Variants in DNAI2 observed in about 807,000 individuals in gnomAD.
DNAI2 encodes dynein axonemal intermediate chain 2, also known as dynein, axonemal, intermediate polypeptide 2.
A neutral mutation model predicts 74.7 loss-of-function variants in DNAI2; 63 were observed. The observed-to-expected ratio is 0.84, with a 90% CI of 0.69 to 1.04. DNAI2 has a LOEUF of 1.04. DNAI2 is among the 50% of genes least tolerant of loss of function. The probability of loss-of-function intolerance (pLI) is 0.00; values close to 1 mark genes in which losing one functional copy is unlikely to be tolerated. For missense variants in DNAI2, 688 were observed against 803.2 expected (o/e 0.86, Z 1.73); for synonymous variants, 289 against 314.9 (o/e 0.92, Z 0.87).
rs776613484 is a variant in DNAI2 at position 74,312,152 on chromosome 17, CGAG to C, written c.1651_1653del (p.Glu551del). 6 of 1,612,462 alleles carry C rather than the reference CGAG, an allele frequency of 3.7e-6. No homozygotes were observed. The African/African-American group carries it at 4.0e-5, about 11-fold the overall frequency. ...ACCTGGAGGCGCTGGTCAGCAAGGC[CGAG>C]GAGGAGTTCTTCGACATCATCTTCG... On this transcript the variant is annotated inframe_deletion, in exon 12 of 14. Coordinates refer to ENST00000311014, the MANE Select transcript of DNAI2 (RefSeq NM_023036.6).
intron 8 of DNAI2, among the ~76,000 whole-genome samples, chr17:74,301,862 AGAAGGAAGGAAGGAAGGAAGGAAGGAAG>A (rs761320355): frequency 1.3e-4 from 9 of 67,372 alleles, no homozygotes; most frequent in African/African-American, 4.8e-4. Context: ...AAGGAAGGAA[AGAAGGAAGGAAGGAAGGAAGGAAGGAAG>A]GAAGGAAGGA....
chr17:74,283,974 C>T (rs1467998162), intron 2 of DNAI2, among the ~76,000 whole-genome samples: 1 of 152,010 alleles, frequency 6.6e-6, no homozygotes, highest in Non-Finnish European at 1.5e-5. Context: ...CCCGTCTCTA[C>T]TAAAAATACA....
rs572720210 is a variant in DNAI2, at chr17:74,305,515, G to A, written c.1211+73G>A. On this transcript the variant is annotated intron_variant, in intron 9 of 13. Coordinates refer to ENST00000311014, the MANE Select transcript of DNAI2 (RefSeq NM_023036.6). ...GATGGAGGGAGCCCAGCTGGGCCCC[G>A]GAGAGTCCCGAGCCTCCATATGTAA... 702 of 1,404,666 alleles carry A rather than the reference G, an allele frequency of 5.0e-4. 2 individuals carry two copies. Among genetic ancestry groups the A allele is most frequent in the Admixed American group, 2.7e-3 (136 of 51,262 alleles). 87.0% of individuals were successfully genotyped at this position (1,404,666 alleles called of 1,614,324 possible). A position where few individuals can be genotyped will look rare whatever the true frequency, so the allele number is the denominator to read the frequency against.
chr17:74,312,749 G>A (rs7217436), intron 12 of DNAI2, among the ~76,000 whole-genome samples: 135,202 of 152,268 alleles, frequency 0.89, 60,593 homozygotes, highest in East Asian at 0.99. Flanking sequence ...TGAGCTGGTC[G>A]CTTCACTTCT....
intron 1 of DNAI2, among the ~76,000 whole-genome samples, chr17:74,279,121 C>G (rs979850342): frequency 6.6e-6 from 1 of 151,916 alleles, no homozygotes; most frequent in African/African-American, 2.4e-5. Context: ...GAGCTGAGAT[C>G]GTGCCACTGC....
chr17:74,309,555 T>C, intron 10 of DNAI2, 167 bp downstream of exon 10: 1 of 923,330 alleles, frequency 1.1e-6, no homozygotes, highest in South Asian at 1.4e-5. Flanking sequence ...CTTTTGAGCG[T>C]GTGCTCCTAC....
intron 6 of DNAI2, among the ~76,000 whole-genome samples, chr17:74,294,778 TA>T (rs1363432131): frequency 6.6e-6 from 1 of 151,720 alleles, no homozygotes; most frequent in Non-Finnish European, 1.5e-5. Context: ...ATGTGTAGAT[TA>T]TTTTTTTAAA....
In DNAI2 at chr17:74,301,429, C is replaced by T. The variant is rs571749627; in HGVS notation, c.987+261C>T. Among the ~76,000 whole-genome samples the T allele has an allele frequency of 2.0e-5, 3 of 152,312 alleles. 1 individual carries two copies. The South Asian group carries it at 6.2e-4, about 32-fold the overall frequency. On this transcript the variant is annotated intron_variant, in intron 8 of 13. Transcript: ENST00000311014. Reference sequence around the variant, plus strand: ...CAGTGGCCCAGCTGAACACAGAGGGCAATCTTTTGACAGAACAATTCCAGA... The same window carrying T: ...CAGTGGCCCAGCTGAACACAGAGGGTAATCTTTTGACAGAACAATTCCAGA...
At position 74,295,106 on chromosome 17, in the gene DNAI2, C is replaced by T. The variant is rs1478537134; in HGVS notation, c.724+3973C>T. Reference sequence around the variant, plus strand: ...TTGTTCTTTCTTTTAAAAATAATTTCTGTCTCATTTGGATGTGGTGGCTCG... The same window carrying T: ...TTGTTCTTTCTTTTAAAAATAATTTTTGTCTCATTTGGATGTGGTGGCTCG... On this transcript the variant is annotated intron_variant, in intron 6 of 13. Transcript: ENST00000311014. Among the ~76,000 whole-genome samples the T allele has an allele frequency of 2.8e-4, 43 of 151,950 alleles. 1 individual carries two copies. Among genetic ancestry groups the T allele is most frequent in the Admixed American group, 2.8e-3 (43 of 15,222 alleles).
chr17:74,308,359 C>T (rs2053308544), intron 9 of DNAI2, among the ~76,000 whole-genome samples: 2 of 152,170 alleles, frequency 1.3e-5, no homozygotes, highest in African/African-American at 4.8e-5. Flanking sequence ...AAGTGACACT[C>T]TCCTTATCTC....
intron 12 of DNAI2, among the ~76,000 whole-genome samples, chr17:74,312,818 T>G (rs1177080322): frequency 6.6e-6 from 1 of 152,198 alleles, no homozygotes; most frequent in African/African-American, 2.4e-5. Context: ...TGGTGTCTGG[T>G]CATCTTCCAG....
At chr17:74,307,551 C>T (rs905821387) in intron 9 of DNAI2, among the ~76,000 whole-genome samples, 4 of 151,956 alleles carry the variant, frequency 2.6e-5, no homozygotes, top group Non-Finnish European at 2.9e-5. Context: ...CGCCTGTAAT[C>T]CCAGCACTTT....
intron 10 of DNAI2, 151 bp downstream of exon 10, chr17:74,309,539 C>A (rs1433167101): frequency 8.1e-6 from 9 of 1,110,730 alleles, no homozygotes; most frequent in Non-Finnish European, 1.2e-5. Flanking sequence ...CTGACTGCAG[C>A]GATTGCTTTT....
At chr17:74,297,362 G>A (rs2052508163) in intron 6 of DNAI2, among the ~76,000 whole-genome samples, 1 of 150,762 alleles carries the variant, frequency 6.6e-6, no homozygotes, top group South Asian at 2.1e-4. Context: ...AAAGTGCTGG[G>A]ATTACAGGCA....
In DNAI2 at chr17:74,284,952, A is replaced by G. The variant is rs112296200; in HGVS notation, c.184-88A>G. The G allele has an allele frequency of 0.038, 59,603 of 1,568,918 alleles. 1,333 individuals carry two copies. The highest frequency in any genetic ancestry group is 0.044 in the Non-Finnish European group (50,162 of 1,142,650). ...GGGCGCCTCAGCATCCAGCCCTGGG[A>G]GCCCCCGTGGGACCTGGCTTGCAGA... On this transcript the variant is annotated intron_variant, in intron 2 of 13. Coordinates refer to ENST00000311014, the MANE Select transcript of DNAI2 (RefSeq NM_023036.6).
At chr17:74,290,058 G>A (rs1337680320) in intron 5 of DNAI2, among the ~76,000 whole-genome samples, 1 of 152,184 alleles carries the variant, frequency 6.6e-6, no homozygotes, top group Non-Finnish European at 1.5e-5. Flanking sequence ...GCCCATGCCT[G>A]TAATCCCAGC....
chr17:74,281,663 T>G lies in DNAI2; in HGVS notation c.-11-144T>G, dbSNP rs1244443250. 4.1e-6 allele frequency: 3 copies of G among 735,156 alleles called. No homozygotes were observed. The South Asian group carries it at 5.0e-5, about 12-fold the overall frequency. 45.5% of individuals were successfully genotyped at this position (735,156 alleles called of 1,614,324 possible). A position where few individuals can be genotyped will look rare whatever the true frequency, so the allele number is the denominator to read the frequency against. On this transcript the variant is annotated intron_variant, in intron 1 of 13. Transcript: ENST00000311014. ...TTTTTTTTAATGCGGATGCAGCTTC[T>G]GGACAAATTCCTAGGATCTCCCCAC... is the stretch of plus-strand genomic sequence containing the variant.
At chr17:74,285,331 C>A in intron 3 of DNAI2, 130 bp downstream of exon 3, 1 of 1,192,464 alleles carries the variant, frequency 8.4e-7, no homozygotes, top group Non-Finnish European at 1.2e-6. Flanking sequence ...AGGGGACCAG[C>A]TGCTACCTCA....
intron 6 of DNAI2, among the ~76,000 whole-genome samples, chr17:74,292,912 C>T (rs2052207110): frequency 6.6e-6 from 1 of 151,882 alleles, no homozygotes; most frequent in African/African-American, 2.4e-5. Flanking sequence ...CCACTGCAAG[C>T]TCTGCCTCCT....
Sources: gnomAD v4.1 joint callset for allele counts (sites outside exome capture counted in the v4.1 genomes callset) on GRCh38, gnomAD v4.1.1 for gene constraint, MANE v1.5 for transcripts, NCBI Gene and HGNC (gene_info 2026-07-23, HGNC 2026-07-21) for gene names.